Variants in TWF1 observed in about 807,000 individuals in gnomAD.
TWF1 encodes twinfilin-1.
Under a neutral mutation model 47.9 loss-of-function variants are expected in TWF1, and 14 were observed. That is an observed-to-expected ratio of 0.29 (90% CI 0.19 to 0.46). TWF1 has a LOEUF of 0.46. TWF1 is among the 20% of genes least tolerant of loss of function. The pLI is 1.00. For missense variants in TWF1, 281 were observed against 409.3 expected (o/e 0.69, Z 2.70); for synonymous variants, 96 against 139.2 (o/e 0.69, Z 2.18).
rs1942519289 is a variant in TWF1 at position 43,794,711 on chromosome 12, G to T, written c.*874C>A. On this transcript the variant is annotated 3_prime_UTR_variant, in exon 9 of 9. Coordinates refer to ENST00000395510, the MANE Select transcript of TWF1 (RefSeq NM_002822.5). ...GTGTTTATCTACGTTAGCCTGTTAA[G>T]TACCAGGACTTTAAAGTAATTTTAA... 1 of 152,080 alleles carries T rather than the reference G, an allele frequency of 6.6e-6. No individual in the cohort carries two copies. The highest frequency in any genetic ancestry group is 2.1e-4 in the South Asian group (1 of 4,804). 9.4% of individuals were successfully genotyped at this position (152,080 alleles called of 1,614,324 possible).
At position 43,797,332 on chromosome 12, in the gene TWF1, A is replaced by C; in HGVS notation, c.730T>G (p.Ser244Ala). ...ARYHFFLYKH[S>A]HEGDYLESIV... ...GACTCTAAATAGTCTCCTTCATGGGAATGTTTATACAGAAAGAAATGGTAA... is the reference window on the plus strand; with the variant it reads ...GACTCTAAATAGTCTCCTTCATGGGCATGTTTATACAGAAAGAAATGGTAA... The change falls in exon 7 of 9, where the codon TCC becomes GCC. Residue 244 changes from serine to alanine, a missense_variant. Transcript: ENST00000395510. 6.3e-7 allele frequency: 1 copy of C among 1,597,708 alleles called. No homozygotes were observed. The highest frequency in any genetic ancestry group is 8.5e-7 in the Non-Finnish European group (1 of 1,174,400).
Position 43,795,726 on chromosome 12 carries a change from A to C in TWF1, c.912T>G (p.Thr304=), listed in dbSNP as rs1162788097. ...GTACTTCTTCATAAAGGAAGTCTGC[A>C]GTCAACTCATCCCCATTGTCTATCT... ...KIEIDNGDEL[T]ADFLYEEVHP... The change falls in exon 9 of 9, where the codon ACT becomes ACG. Residue 304 remains threonine (T), a synonymous_variant. Coordinates refer to ENST00000395510, the MANE Select transcript of TWF1 (RefSeq NM_002822.5). The C allele has an allele frequency of 6.2e-7, 1 of 1,613,968 alleles. No homozygotes were observed. Among genetic ancestry groups the C allele is most frequent in the Admixed American group, 1.7e-5 (1 of 60,026 alleles).
At position 43,797,774 on chromosome 12, in the gene TWF1, G is replaced by T. The variant is rs1942581482; in HGVS notation, c.543C>A (p.Pro181=). Residue 181 remains proline (P), a synonymous_variant, in exon 6 of 9, where the codon CCC becomes CCA. Transcript: ENST00000395510. The part of the protein sequence containing the change: ...KHQTLQGVAF[P]ISREAFQALE... ...AAGCCTGAAAGGCTTCTCGAGAAATGGGAAATGCTACTCCTTGTAGTGTTT... is the reference window on the plus strand; with the variant it reads ...AAGCCTGAAAGGCTTCTCGAGAAATTGGAAATGCTACTCCTTGTAGTGTTT... 1.9e-6 allele frequency: 3 copies of T among 1,613,404 alleles called. No homozygotes were observed. The highest frequency in any genetic ancestry group is 3.3e-4 in the Middle Eastern group (2 of 6,026).
chr12:43,799,557 G>T, intron 4 of TWF1, 55 bp from the exon 5 acceptor site: 4 of 1,027,920 alleles, frequency 3.9e-6, no homozygotes, highest in Non-Finnish European at 5.5e-6. Context: ...AAATGACAGT[G>T]AAGTTACTTT....
rs1942563009 is a variant in TWF1 at position 43,796,972 on chromosome 12, C to G, written c.882+4G>C. 1 of 1,606,690 alleles carries G rather than the reference C, an allele frequency of 6.2e-7. No individual in the cohort carries two copies. Among genetic ancestry groups the G allele is most frequent in the Admixed American group, 1.7e-5 (1 of 58,626 alleles). ...AACTGAAGATTTTAAAATAGGTGGG[C>G]TACCTTTCTAATTACATCCATTTGT... On this transcript the variant is annotated splice_donor_region_variant and intron_variant, in intron 8 of 8. Coordinates refer to ENST00000395510, the MANE Select transcript of TWF1 (RefSeq NM_002822.5).
At chr12:43,805,416 G>A in intron 1 of TWF1, 2 of 382,928 alleles carry the variant, frequency 5.2e-6, no homozygotes, top group South Asian at 3.8e-5. Context: ...TGTTCATCTG[G>A]GAGAAAGACT....
At chr12:43,798,723 C>T in intron 5 of TWF1, 4 of 978,436 alleles carry the variant, frequency 4.1e-6, no homozygotes, top group Non-Finnish European at 5.8e-6. Flanking sequence ...GATATTCAAC[C>T]ATTCTCCAGA....
chr12:43,798,472 T>C (rs969025071), intron 5 of TWF1: 7 of 1,279,430 alleles, frequency 5.5e-6, no homozygotes, highest in Non-Finnish European at 6.3e-6. Flanking sequence ...GAAAGTCCAA[T>C]AGAAATTTTA....
Position 43,804,563 on chromosome 12 carries a change from T to A in TWF1, c.35A>T (p.Asp12Val), listed in dbSNP as rs751139731. ...SHQTGIQASE[D>V]VKEIFARARN... ...GGCTCTGGCAAAGATCTCTTTAACA[T>A]CTTCACTTGCTGTGGAAAAAGATAA... Residue 12 changes from aspartate to valine, a missense_variant, in exon 2 of 9, where the codon GAT becomes GTT. Transcript: ENST00000395510. The A allele has an allele frequency of 1.9e-6, 3 of 1,597,916 alleles. No homozygotes were observed. Among genetic ancestry groups the A allele is most frequent in the South Asian group, 2.3e-5 (2 of 86,652 alleles).
chr12:43,795,458 A>C lies in TWF1; in HGVS notation c.*127T>G, dbSNP rs1434697951. 1 of 766,906 alleles carries C rather than the reference A, an allele frequency of 1.3e-6. No homozygotes were observed. Among genetic ancestry groups the C allele is most frequent in the Non-Finnish European group, 2.0e-6 (1 of 489,260 alleles). 47.5% of individuals were successfully genotyped at this position (766,906 alleles called of 1,614,324 possible). A position where few individuals can be genotyped will look rare whatever the true frequency, so the allele number is the denominator to read the frequency against. ...TAATTTTAAAAACACACAGAAGTGA[A>C]AAGTGCTATTTTCCAAAAAGTACAA... On this transcript the variant is annotated 3_prime_UTR_variant, in exon 9 of 9. Coordinates refer to ENST00000395510, the MANE Select transcript of TWF1 (RefSeq NM_002822.5).
chr12:43,795,562 T>G lies in TWF1; in HGVS notation c.*23A>C, dbSNP rs1942533648. Reference sequence around the variant, plus strand: ...AAGCTGGACTTTTAAAAAACTAGTATTACAATGTTTAATGTGATGACTTTA... The same window carrying G: ...AAGCTGGACTTTTAAAAAACTAGTAGTACAATGTTTAATGTGATGACTTTA... On this transcript the variant is annotated 3_prime_UTR_variant, in exon 9 of 9. Coordinates refer to ENST00000395510, the MANE Select transcript of TWF1 (RefSeq NM_002822.5). 1.9e-6 allele frequency: 3 copies of G among 1,603,602 alleles called. No homozygotes were observed. Among genetic ancestry groups the G allele is most frequent in the Middle Eastern group, 2.3e-4 (1 of 4,404 alleles).
At chr12:43,800,586 G>C in intron 3 of TWF1, 56 bp from the exon 4 acceptor site, 1 of 1,349,958 alleles carries the variant, frequency 7.4e-7, no homozygotes. Flanking sequence ...CATTACAAAA[G>C]CAAGCACATT....
At position 43,793,936 on chromosome 12, in the gene TWF1, AGTTT is replaced by A. The variant is rs1047957156; in HGVS notation, c.*1645_*1648del. 3 of 152,698 alleles carry A rather than the reference AGTTT, an allele frequency of 2.0e-5. No individual in the cohort carries two copies. Among genetic ancestry groups the A allele is most frequent in the East Asian group, 1.9e-4 (1 of 5,206 alleles). 9.5% of individuals were successfully genotyped at this position (152,698 alleles called of 1,614,324 possible). A position where few individuals can be genotyped will look rare whatever the true frequency, so the allele number is the denominator to read the frequency against. Reference sequence around the variant, plus strand: ...AGCAATCATTGGTTTAATAATAATTAGTTTAAGACTATAATCACATCTATATTCT... The same window carrying A: ...AGCAATCATTGGTTTAATAATAATTAAAGACTATAATCACATCTATATTCT... On this transcript the variant is annotated 3_prime_UTR_variant, in exon 9 of 9. Coordinates refer to ENST00000395510, the MANE Select transcript of TWF1 (RefSeq NM_002822.5).
Position 43,800,544 on chromosome 12 carries a change from A to C in TWF1, c.283-14T>G, listed in dbSNP as rs985056880. The C allele has an allele frequency of 4.4e-6, 7 of 1,594,716 alleles. No homozygotes were observed. The highest frequency in any genetic ancestry group is 3.4e-5 in the Admixed American group (2 of 59,658). ...TTTTTGACGAACCTATTCAGTTGTG[A>C]AAGTTTACTTAGTTTATAGATGAAA... On this transcript the variant is annotated splice_polypyrimidine_tract_variant and intron_variant, in intron 3 of 8. Transcript: ENST00000395510.
At chr12:43,802,222 C>T (rs964385038) in intron 3 of TWF1, 64 bp downstream of exon 3, 3 of 1,134,298 alleles carry the variant, frequency 2.6e-6, no homozygotes, top group South Asian at 1.9e-5. Context: ...TTTATTTGAC[C>T]TAGAAATTTC....
chr12:43,802,604 TAACATAGAAA>T lies in TWF1; in HGVS notation c.104-150_104-141del, dbSNP rs1191952334. On this transcript the variant is annotated intron_variant, in intron 2 of 8. Coordinates refer to ENST00000395510, the MANE Select transcript of TWF1 (RefSeq NM_002822.5). ...CAAAAAGTTGAAAAGAAAAATGTGG[TAACATAGAAA>T]GTAATTATGACATAGAGTATTATAA... 7.9e-6 allele frequency: 5 copies of T among 630,974 alleles called. No homozygotes were observed. The African/African-American group carries it at 9.6e-5, about 12-fold the overall frequency. The allele number at this position is 630,974 out of a possible 1,614,324, so 39.1% of individuals were successfully genotyped here. A position where few individuals can be genotyped will look rare whatever the true frequency, so the allele number is the denominator to read the frequency against.
chr12:43,805,979 C>T (rs765528786), intron 1 of TWF1: 73 of 1,542,954 alleles, frequency 4.7e-5, no homozygotes, highest in Non-Finnish European at 6.1e-5. Context: ...CAATTTCCTT[C>T]GCTCCCCCGA....
chr12:43,802,795 G>A (rs539226986), intron 2 of TWF1, among the ~76,000 whole-genome samples: 199 of 152,236 alleles, frequency 1.3e-3, no homozygotes, highest in African/African-American at 4.7e-3. Flanking sequence ...AAATGTCTGA[G>A]CTTAAGTTAT....
intron 5 of TWF1, among the ~76,000 whole-genome samples, 171 bp downstream of exon 5, chr12:43,799,226 CT>C (rs897838515): frequency 1.3e-5 from 2 of 151,522 alleles, no homozygotes; most frequent in African/African-American, 2.4e-5. Context: ...TTCATTTTAA[CT>C]TTTTTTTTCT....
Sources: allele counts gnomAD v4.1 joint callset (sites outside exome capture counted in the v4.1 genomes callset), GRCh38; gene constraint gnomAD v4.1.1; transcripts MANE v1.5; gene names NCBI Gene and HGNC (gene_info 2026-07-23, HGNC 2026-07-21).